Variants in NAALADL2 observed in about 807,000 individuals in gnomAD.
NAALADL2 encodes N-acetylated alpha-linked acidic dipeptidase like 2.
Under a neutral mutation model 87.2 loss-of-function variants are expected in NAALADL2, and 76 were observed. That is an observed-to-expected ratio of 0.87 (90% confidence interval 0.72 to 1.05). The LOEUF (loss-of-function observed/expected upper bound fraction) is 1.05. Ranked by LOEUF, NAALADL2 falls within the 50% of genes least tolerant of loss-of-function variation. NAALADL2 has a pLI of 0.00. For synonymous variants in NAALADL2, 354 were observed against 331.0 expected, an observed-to-expected ratio of 1.07 and a Z score of -0.75; for missense variants, 1,089 against 945.8, an observed-to-expected ratio of 1.15 and a Z score of -1.99.
chr3:175,743,027 T>A (rs1024263259), intron 12 of NAALADL2, among the ~76,000 whole-genome samples: 1 of 151,418 alleles, frequency 6.6e-6, no homozygotes, highest in Admixed American at 6.6e-5. Context: ...CGGAGTTTCA[T>A]TGTTGTTGCC....
intron 13 of NAALADL2, among the ~76,000 whole-genome samples, chr3:175,768,679 G>A (rs772183352): frequency 7.2e-5 from 11 of 151,984 alleles, no homozygotes; most frequent in South Asian, 2.1e-4. Context: ...GCGAAAGCCC[G>A]TCTCTATTAA....
chr3:175,141,106 G>A (rs978014386), intron 2 of NAALADL2, among the ~76,000 whole-genome samples: 1 of 152,106 alleles, frequency 6.6e-6, no homozygotes, highest in African/African-American at 2.4e-5. Flanking sequence ...TCTTTTCAAG[G>A]AGGGAATCAC....
At position 175,374,019 on chromosome 3, in the gene NAALADL2, A is replaced by G. The variant is rs137950126; in HGVS notation, c.1090+49694A>G. Among the ~76,000 whole-genome samples, 287 of 152,108 alleles carry G rather than the reference A, an allele frequency of 1.9e-3. 1 individual carries two copies. Among genetic ancestry groups the G allele is most frequent in the African/African-American group, 6.6e-3 (274 of 41,504 alleles). ...TGTACATACTTTTTCTTACTATTGA[A>G]TTTTTTTATATATTTCAGATGCAAG... On this transcript the variant is annotated intron_variant, in intron 5 of 13. Transcript: ENST00000454872.
Position 175,808,686 on chromosome 3 carries a change from C to T in NAALADL2, c.*5483C>T, listed in dbSNP as rs1754908268. 1 of 151,934 alleles carries T rather than the reference C, an allele frequency of 6.6e-6. No individual in the cohort carries two copies. The highest frequency in any genetic ancestry group is 2.4e-5 in the African/African-American group (1 of 41,380). 9.4% of individuals were successfully genotyped at this position (151,934 alleles called of 1,614,324 possible). A position where few individuals can be genotyped will look rare whatever the true frequency, so the allele number is the denominator to read the frequency against. ...AGTCCCCAAAGGATCACACAGGTGCCTGTATCATGCCATATGTCATGTGCT... is the reference window on the plus strand; with the variant it reads ...AGTCCCCAAAGGATCACACAGGTGCTTGTATCATGCCATATGTCATGTGCT... On this transcript the variant is annotated 3_prime_UTR_variant, in exon 14 of 14. Transcript: ENST00000454872.
chr3:175,257,628 C>T (rs982917709), intron 4 of NAALADL2, among the ~76,000 whole-genome samples: 7 of 151,798 alleles, frequency 4.6e-5, no homozygotes, highest in South Asian at 2.1e-4. Context: ...TAGTAATGCC[C>T]GATGATGTGA....
At chr3:175,347,938 A>G (rs914819876) in intron 5 of NAALADL2, among the ~76,000 whole-genome samples, 8 of 151,896 alleles carry the variant, frequency 5.3e-5, no homozygotes, top group African/African-American at 1.7e-4. Context: ...CCCTGTGTCC[A>G]TGTGTTCTCA....
chr3:174,706,421 A>C (rs1158417803), intron 2 of NAALADL2, among the ~76,000 whole-genome samples: 1 of 152,248 alleles, frequency 6.6e-6, no homozygotes, highest in Non-Finnish European at 1.5e-5. Context: ...ATTTGATACC[A>C]AAAGCACAAA....
chr3:174,748,284 G>A (rs556477251), intron 3 of NAALADL2, among the ~76,000 whole-genome samples: 11 of 151,600 alleles, frequency 7.3e-5, no homozygotes, highest in Admixed American at 6.6e-4. Flanking sequence ...TAAGGAACCT[G>A]TATGTCCTGC....
intron 2 of NAALADL2, among the ~76,000 whole-genome samples, chr3:175,105,573 T>TACAC (rs141354006): frequency 6.3e-4 from 93 of 147,010 alleles, no homozygotes; most frequent in African/African-American, 8.0e-4. Flanking sequence ...TATATATTCA[T>TACAC]ACACACACAC....
At chr3:175,373,832 G>C (rs1044088704) in intron 5 of NAALADL2, among the ~76,000 whole-genome samples, 1 of 152,118 alleles carries the variant, frequency 6.6e-6, no homozygotes, top group Non-Finnish European at 1.5e-5. Context: ...CATATTGTCA[G>C]TCTTTATTTT....
intron 4 of NAALADL2, among the ~76,000 whole-genome samples, chr3:175,317,222 T>C (rs1284963263): frequency 2.0e-5 from 3 of 152,024 alleles, no homozygotes; most frequent in Admixed American, 2.0e-4. Flanking sequence ...TCTAGCTTGA[T>C]ACTTTTGACT....
At chr3:175,366,915 T>G (rs891291720) in intron 5 of NAALADL2, among the ~76,000 whole-genome samples, 5 of 151,780 alleles carry the variant, frequency 3.3e-5, no homozygotes, top group East Asian at 1.9e-4. Context: ...TTTGGTGTTT[T>G]AGACTTGAAG....
chr3:175,601,396 T>G (rs187800829), intron 10 of NAALADL2, among the ~76,000 whole-genome samples: 1 of 152,328 alleles, frequency 6.6e-6, no homozygotes, highest in East Asian at 1.9e-4. Flanking sequence ...TGGTTTTTAT[T>G]ATTTTTAGCT....
At chr3:174,888,826 CAT>C (rs1412792366) in intron 1 of NAALADL2, among the ~76,000 whole-genome samples, 1 of 152,200 alleles carries the variant, frequency 6.6e-6, no homozygotes, top group Non-Finnish European at 1.5e-5. Flanking sequence ...TCGGCATAAA[CAT>C]ATAAATTGAG....
At chr3:175,340,296 G>A (rs56206816) in intron 5 of NAALADL2, among the ~76,000 whole-genome samples, 11,813 of 152,150 alleles carry the variant, frequency 0.078, 560 homozygotes, top group African/African-American at 0.13. Context: ...TGGGATATTG[G>A]TGAAATATGG....
At chr3:175,313,980 T>G (rs1220747315) in intron 4 of NAALADL2, among the ~76,000 whole-genome samples, 2 of 149,956 alleles carry the variant, frequency 1.3e-5, no homozygotes, top group African/African-American at 4.9e-5. Context: ...GAGAATTGCT[T>G]GAACCCGGGA....
chr3:174,738,074 G>T (rs940312567), intron 3 of NAALADL2, among the ~76,000 whole-genome samples: 2 of 152,054 alleles, frequency 1.3e-5, no homozygotes, highest in Non-Finnish European at 2.9e-5. Flanking sequence ...ATTAAGTCGT[G>T]TTTTTGGATT....
intron 9 of NAALADL2, among the ~76,000 whole-genome samples, chr3:175,528,966 C>T (rs911790683): frequency 6.7e-6 from 1 of 149,340 alleles, no homozygotes; most frequent in Non-Finnish European, 1.5e-5. Flanking sequence ...ATTCTGTATT[C>T]CCTTTGCCTT....
At chr3:175,057,090 G>A (rs761778008) in intron 1 of NAALADL2, among the ~76,000 whole-genome samples, 3 of 152,184 alleles carry the variant, frequency 2.0e-5, no homozygotes, top group Non-Finnish European at 2.9e-5. Flanking sequence ...GGGAGGACAC[G>A]ACTTGAAGGT....
Sources: allele counts gnomAD v4.1 joint callset (sites outside exome capture counted in the v4.1 genomes callset), GRCh38; gene constraint gnomAD v4.1.1; transcripts MANE v1.5; gene names NCBI Gene and HGNC (gene_info 2026-07-23, HGNC 2026-07-21).